SYMPK: variants seen among roughly 807,000 people sequenced by gnomAD.
SYMPK encodes symplekin scaffold protein.
In SYMPK, 49 loss-of-function variants were observed where a neutral mutation model predicts 136.4. The observed-to-expected ratio is 0.36, with a 90% CI of 0.29 to 0.46. The LOEUF (loss-of-function observed/expected upper bound fraction) is 0.46, where lower values mean the gene tolerates loss of function less well. Among genes scored for constraint, SYMPK ranks in the 20% least tolerant of loss-of-function variants. SYMPK has a pLI of 1.00. For missense variants in SYMPK, 1,365 were observed against 1,690.0 expected, an observed-to-expected ratio of 0.81 and a Z score of 3.37; for synonymous variants, 766 against 713.0, an observed-to-expected ratio of 1.07 and a Z score of -1.19.
chr19:45,850,568 C>T (rs12709893), intron 5 of SYMPK, among the ~76,000 whole-genome samples: 22,788 of 152,118 alleles, frequency 0.15, 2,482 homozygotes, highest in East Asian at 0.33. Flanking sequence ...AGAGGATAAC[C>T]ACAGTATCCA....
At position 45,851,274 on chromosome 19, in the gene SYMPK, A is replaced by T. The variant is rs144535781; in HGVS notation, c.299+1038T>A. The stretch of plus-strand genomic sequence containing the variant: ...CGTGCTAAATGCCACTCACTTGTTC[A>T]CTTTAAAATAGCTGATTTTTGCTGG... On this transcript the variant is annotated intron_variant, in intron 5 of 26. Coordinates refer to ENST00000245934, the MANE Select transcript of SYMPK (RefSeq NM_004819.3). 5.0e-3 allele frequency among the ~76,000 whole-genome samples: 764 copies of T among 152,322 alleles called. 5 individuals carry two copies. Among genetic ancestry groups the T allele is most frequent in the Non-Finnish European group, 8.6e-3 (584 of 68,026 alleles).
chr19:45,859,790 C>T (rs1971917924), intron 1 of SYMPK, among the ~76,000 whole-genome samples: 1 of 151,170 alleles, frequency 6.6e-6, no homozygotes, highest in African/African-American at 2.4e-5. Flanking sequence ...GCCTATAATC[C>T]CAACATTTTG....
chr19:45,837,561 G>A (rs1446794561), intron 10 of SYMPK, among the ~76,000 whole-genome samples: 1 of 144,784 alleles, frequency 6.9e-6, no homozygotes, highest in African/African-American at 2.6e-5. Context: ...AGATTACAGT[G>A]AGCTGAGATC....
chr19:45,849,096 G>A (rs577622587), intron 5 of SYMPK, among the ~76,000 whole-genome samples: 3 of 152,238 alleles, frequency 2.0e-5, no homozygotes, highest in African/African-American at 7.2e-5. Context: ...CTCTCTCAGG[G>A]CCCTGCTGTT....
chr19:45,815,551 C>T lies in SYMPK; in HGVS notation c.*9G>A. On this transcript the variant is annotated 3_prime_UTR_variant, in exon 27 of 27. Transcript: ENST00000245934. Reference sequence around the variant, plus strand: ...TCCCTGTCCCACCCCCTTTCCCCCTCGAGCCCCGTCAGCTGTTCCCCTTGG... The same window carrying T: ...TCCCTGTCCCACCCCCTTTCCCCCTTGAGCCCCGTCAGCTGTTCCCCTTGG... The T allele has an allele frequency of 1.5e-5, 24 of 1,552,308 alleles. No individual in the cohort carries two copies. Among genetic ancestry groups the T allele is most frequent in the Non-Finnish European group, 2.0e-5 (23 of 1,151,634 alleles).
chr19:45,823,355 G>A lies in SYMPK; in HGVS notation c.2700+17C>T. The stretch of plus-strand genomic sequence containing the variant: ...ATGTCCCAGGTAGCAGGGACAAACA[G>A]GCCTCCAGCTCCATACCTTCTCCAG... On this transcript the variant is annotated intron_variant, in intron 20 of 26. Transcript: ENST00000245934. The A allele has an allele frequency of 5.6e-6, 9 of 1,612,554 alleles. No individual in the cohort carries two copies. The highest frequency in any genetic ancestry group is 7.6e-6 in the Non-Finnish European group (9 of 1,178,884).
intron 12 of SYMPK, 95 bp downstream of exon 12, chr19:45,831,289 A>C: frequency 1.0e-6 from 1 of 985,538 alleles, no homozygotes; most frequent in Non-Finnish European, 1.4e-6. Context: ...AGTTACACAC[A>C]CACACGCACA....
intron 15 of SYMPK, 90 bp downstream of exon 15, chr19:45,827,747 C>A: frequency 1.3e-6 from 2 of 1,524,186 alleles, no homozygotes; most frequent in Non-Finnish European, 1.8e-6. Flanking sequence ...AAACCCCCGG[C>A]CACAAGGTTT....
chr19:45,834,791 CAG>C (rs924764931), intron 11 of SYMPK, among the ~76,000 whole-genome samples: 5 of 152,228 alleles, frequency 3.3e-5, no homozygotes, highest in African/African-American at 1.2e-4. Context: ...ACTGTTAAAA[CAG>C]GGTAAAACTA....
intron 1 of SYMPK, among the ~76,000 whole-genome samples, chr19:45,857,435 C>T (rs1277876948): frequency 8.9e-6 from 1 of 112,350 alleles, no homozygotes; most frequent in Non-Finnish European, 1.9e-5. Flanking sequence ...AAAAAAAAAA[C>T]ACACACTAAA....
intron 1 of SYMPK, among the ~76,000 whole-genome samples, chr19:45,857,146 C>T (rs1456075239): frequency 6.6e-6 from 1 of 151,730 alleles, no homozygotes; most frequent in Non-Finnish European, 1.5e-5. Flanking sequence ...CGGTGGCTCA[C>T]ACGTGTAATC....
chr19:45,821,156 T>C lies in SYMPK; in HGVS notation c.2893+228A>G, dbSNP rs1970879198. Reference sequence around the variant, plus strand: ...TACATCAGAGGCAGAAAAAGGTGGGTTGTAAAGGGTAAAACCTGGGAGGAA... The same window carrying C: ...TACATCAGAGGCAGAAAAAGGTGGGCTGTAAAGGGTAAAACCTGGGAGGAA... On this transcript the variant is annotated intron_variant, in intron 22 of 26. Transcript: ENST00000245934. The surrounding 1 kb of genome is among the most constrained non-coding windows in gnomAD (Gnocchi z 4.4). 1 of 695,044 alleles carries C rather than the reference T, an allele frequency of 1.4e-6. No homozygotes were observed. The highest frequency in any genetic ancestry group is 1.5e-5 in the South Asian group (1 of 66,718). 43.1% of individuals were successfully genotyped at this position (695,044 alleles called of 1,614,324 possible).
chr19:45,842,715 T>A, intron 8 of SYMPK: 1 of 559,618 alleles, frequency 1.8e-6, no homozygotes, highest in Non-Finnish European at 3.1e-6. Flanking sequence ...TCACCCTCTC[T>A]TTTAGTAAAT....
chr19:45,857,265 C>T (rs955145154), intron 1 of SYMPK, among the ~76,000 whole-genome samples: 14 of 148,752 alleles, frequency 9.4e-5, no homozygotes, highest in Admixed American at 9.4e-4. Context: ...AAAAAATATG[C>T]CGGGCATGGT....
chr19:45,815,969 T>C lies in SYMPK; in HGVS notation c.3569A>G (p.Asp1190Gly), dbSNP rs1970722811. 1 of 1,610,412 alleles carries C rather than the reference T, an allele frequency of 6.2e-7. No homozygotes were observed. The highest frequency in any genetic ancestry group is 8.5e-7 in the Non-Finnish European group (1 of 1,179,144). ...PGPPPSEEAM[D>G]FREEGPECET... is the part of the protein sequence containing the mutation. ...GCACTCAGGCCCCTCCTCCCGGAAA[T>C]CCATGGCTTCCTCAGACGGGGGCGG... The change falls in exon 26 of 27, where the codon GAT becomes GGT. Residue 1190 changes from aspartate (D) to glycine (G), a missense_variant. Transcript: ENST00000245934.
At chr19:45,826,120 C>A in intron 17 of SYMPK, 106 bp downstream of exon 17, 1 of 1,483,244 alleles carries the variant, frequency 6.7e-7, no homozygotes. Context: ...CCTGCCCATT[C>A]CCGTCACTCG....
intron 12 of SYMPK, 100 bp from the exon 13 acceptor site, chr19:45,830,304 T>C: frequency 7.4e-7 from 1 of 1,355,342 alleles, no homozygotes; most frequent in Non-Finnish European, 1.0e-6. Context: ...GCAACAGAGA[T>C]GGCCCCCATC....
At chr19:45,830,284 G>T in intron 12 of SYMPK, 80 bp from the exon 13 acceptor site, 3 of 1,484,776 alleles carry the variant, frequency 2.0e-6, no homozygotes, top group Non-Finnish European at 1.8e-6. Context: ...CAACTTCAAG[G>T]ACTAGGTAGG....
intron 25 of SYMPK, 111 bp from the exon 26 acceptor site, chr19:45,816,294 G>T: frequency 9.0e-7 from 1 of 1,106,880 alleles, no homozygotes; most frequent in Non-Finnish European, 1.3e-6. Flanking sequence ...CAAGAGCATG[G>T]GGAGGAAGGG....
Sources: gnomAD v4.1 joint callset for allele counts (sites outside exome capture counted in the v4.1 genomes callset) on GRCh38, gnomAD v4.1.1 for gene constraint, Gnocchi (gnomAD v3.1) non-coding constraint, MANE v1.5 for transcripts, NCBI Gene and HGNC (gene_info 2026-07-23, HGNC 2026-07-21) for gene names.